The following GRIA2 variants were observed in gnomAD, a reference collection of about 807,000 sequenced individuals.
GRIA2 encodes the protein glutamate ionotropic receptor AMPA type subunit 2.
Under a neutral mutation model 97.3 loss-of-function variants are expected in GRIA2, and 14 were observed. The ratio of observed to expected loss-of-function variants is 0.14; its 90% confidence interval spans 0.10 to 0.23. GRIA2 has a LOEUF of 0.23. Ranked by LOEUF, GRIA2 falls within the 10% of genes least tolerant of loss-of-function variation. The pLI, the probability that GRIA2 is intolerant of heterozygous loss-of-function variation, is 1.00. For missense variants in GRIA2, 558 were observed against 1,069.8 expected (o/e 0.52, Z 6.67); for synonymous variants, 412 against 387.8 (o/e 1.06, Z -0.73).
intron 2 of GRIA2, among the ~76,000 whole-genome samples, chr4:157,234,058 CTATT>C (rs1730137011): frequency 6.6e-6 from 1 of 152,120 alleles, no homozygotes; most frequent in Admixed American, 6.6e-5. Flanking sequence ...TATGGCTTCA[CTATT>C]TACTAGTTCT....
At chr4:157,242,965 T>C (rs1340702850) in intron 2 of GRIA2, among the ~76,000 whole-genome samples, 2 of 152,070 alleles carry the variant, frequency 1.3e-5, no homozygotes, top group Non-Finnish European at 2.9e-5. Context: ...CTATCTATGC[T>C]TGGGAACCAC....
rs376668519 is a variant in GRIA2 at position 157,317,700 on chromosome 4, A to G, written c.709A>G (p.Ile237Val). The G allele has an allele frequency of 4.1e-6, 5 of 1,227,560 alleles. No individual in the cohort carries two copies. In the African/African-American group the frequency reaches 5.9e-5, roughly 14 times the overall value. The allele number at this position is 1,227,560 out of a possible 1,614,324, so 76.0% of individuals were successfully genotyped here. The change falls in exon 5 of 16, where the codon ATT (isoleucine) becomes GTT (valine). Residue 237 changes from isoleucine to valine, a missense_variant. Transcript: ENST00000264426. Reference protein sequence around the residue: ...GKHVKGYHYIIANLGFTDGDL... With the variant: ...GKHVKGYHYIVANLGFTDGDL... ...ACATGTTAAAGGGTACCACTACATC[A>G]TTGCAAATCTGGTAGGTGAATTAAT...
intron 9 of GRIA2, 21 bp downstream of exon 9, chr4:157,334,141 T>C (rs1302905829): frequency 8.9e-7 from 1 of 1,123,906 alleles, no homozygotes; most frequent in African/African-American, 1.5e-5. Flanking sequence ...ACATATGCCA[T>C]GTTTTACTTT....
At chr4:157,296,683 G>T (rs1244188821) in intron 2 of GRIA2, among the ~76,000 whole-genome samples, 1 of 152,042 alleles carries the variant, frequency 6.6e-6, no homozygotes, top group East Asian at 1.9e-4. Flanking sequence ...CATAGAGCTG[G>T]GCTTCCGATT....
At chr4:157,287,602 A>G (rs1289323270) in intron 2 of GRIA2, among the ~76,000 whole-genome samples, 1 of 151,692 alleles carries the variant, frequency 6.6e-6, no homozygotes. Context: ...GAGGTTTTCC[A>G]CTATGTAAAT....
At chr4:157,326,500 C>T (rs1021686594) in intron 6 of GRIA2, among the ~76,000 whole-genome samples, 1 of 152,026 alleles carries the variant, frequency 6.6e-6, no homozygotes, top group African/African-American at 2.4e-5. Context: ...CCTGAATCAA[C>T]AAATAAAGAA....
At chr4:157,360,414 C>T (rs1467584838) in intron 13 of GRIA2, among the ~76,000 whole-genome samples, 1 of 151,412 alleles carries the variant, frequency 6.6e-6, no homozygotes, top group Non-Finnish European at 1.5e-5. Flanking sequence ...TTAAGGAATA[C>T]ATGTTTGTTT....
chr4:157,334,043 G>T lies in GRIA2; in HGVS notation c.1189G>T (p.Val397Phe). ...CTGGAGTGAAGTGGACAAAATGGTT[G>T]TTACCCTTACTGAGCTCCCTTCTGG... is the stretch of plus-strand genomic sequence containing the variant. ...GYWSEVDKMV[V>F]TLTELPSGND... The change falls in exon 9 of 16, where the codon GTT (valine) becomes TTT (phenylalanine). Residue 397 changes from valine to phenylalanine, a missense_variant. Around this residue, in one of 8 missense-constraint regions of GRIA2, gnomAD observed 66 missense variants for 118.7 expected, o/e 0.56. Transcript: ENST00000264426. 1 of 1,608,632 alleles carries T rather than the reference G, an allele frequency of 6.2e-7. No individual in the cohort carries two copies. Among genetic ancestry groups the T allele is most frequent in the African/African-American group, 1.3e-5 (1 of 74,824 alleles).
At chr4:157,266,565 G>A (rs1731779667) in intron 2 of GRIA2, among the ~76,000 whole-genome samples, 1 of 152,052 alleles carries the variant, frequency 6.6e-6, no homozygotes, top group Non-Finnish European at 1.5e-5. Flanking sequence ...GGAGACCTTG[G>A]CAGATGAATT....
intron 2 of GRIA2, among the ~76,000 whole-genome samples, chr4:157,228,897 G>A (rs1473076795): frequency 7.6e-6 from 1 of 130,776 alleles, no homozygotes; most frequent in African/African-American, 3.0e-5. Flanking sequence ...TAGAACAGGA[G>A]ATGCCCTTAT....
At chr4:157,313,156 T>C (rs1221406588) in intron 4 of GRIA2, among the ~76,000 whole-genome samples, 2 of 152,148 alleles carry the variant, frequency 1.3e-5, no homozygotes, top group Non-Finnish European at 2.9e-5. Context: ...AACTTTGATA[T>C]TTTCATTTGA....
intron 4 of GRIA2, among the ~76,000 whole-genome samples, chr4:157,313,615 G>A (rs1734182183): frequency 6.6e-6 from 1 of 151,932 alleles, no homozygotes; most frequent in Non-Finnish European, 1.5e-5. Context: ...TTACAAATAG[G>A]GTAAGTGACT....
At chr4:157,337,149 T>A (rs1735321074) in intron 11 of GRIA2, among the ~76,000 whole-genome samples, 1 of 152,090 alleles carries the variant, frequency 6.6e-6, no homozygotes, top group Admixed American at 6.6e-5. Context: ...TAGATAAAAC[T>A]TCGTTGGCAC....
intron 2 of GRIA2, among the ~76,000 whole-genome samples, chr4:157,296,358 A>C (rs1579341011): frequency 6.6e-6 from 1 of 152,254 alleles, no homozygotes; most frequent in East Asian, 1.9e-4. Context: ...TTTTCTCATA[A>C]GAACCCGTTT....
chr4:157,233,712 C>T (rs1730122455), intron 2 of GRIA2, among the ~76,000 whole-genome samples: 1 of 151,996 alleles, frequency 6.6e-6, no homozygotes, highest in African/African-American at 2.4e-5. Flanking sequence ...GATATAAAAC[C>T]TAAACCCCAT....
At chr4:157,256,757 T>C (rs545313084) in intron 2 of GRIA2, among the ~76,000 whole-genome samples, 2 of 152,006 alleles carry the variant, frequency 1.3e-5, no homozygotes, top group Non-Finnish European at 2.9e-5. Flanking sequence ...AAACTTTTTT[T>C]CTGCCATCCT....
chr4:157,328,624 A>T (rs927406876), intron 6 of GRIA2, among the ~76,000 whole-genome samples: 1 of 152,046 alleles, frequency 6.6e-6, no homozygotes, highest in Non-Finnish European at 1.5e-5. Context: ...ATCAAACCAG[A>T]CAATGCCTTG....
chr4:157,270,228 G>A (rs530684708), intron 2 of GRIA2, among the ~76,000 whole-genome samples: 1 of 152,188 alleles, frequency 6.6e-6, no homozygotes, highest in African/African-American at 2.4e-5. Flanking sequence ...ACTGCCTTGT[G>A]CCTTTCCAGA....
intron 2 of GRIA2, among the ~76,000 whole-genome samples, chr4:157,295,721 A>G (rs889263561): frequency 2.0e-5 from 3 of 152,150 alleles, no homozygotes; most frequent in Non-Finnish European, 2.9e-5. Flanking sequence ...TCATTTCATC[A>G]TAAGAAGAGA....
Sources: allele counts gnomAD v4.1 joint callset (sites outside exome capture counted in the v4.1 genomes callset), GRCh38; gene constraint gnomAD v4.1.1; regional missense constraint gnomAD v4.1.1; transcripts MANE v1.5; gene names NCBI Gene and HGNC (gene_info 2026-07-23, HGNC 2026-07-21).